The following MTSS1 variants were observed in gnomAD, a reference collection of about 807,000 sequenced individuals.
MTSS1 encodes the protein MTSS I-BAR domain containing 1.
A neutral mutation model predicts 79.0 loss-of-function variants in MTSS1; 18 were observed. The observed-to-expected ratio is 0.23, with a 90% CI of 0.16 to 0.34. The LOEUF is 0.34. MTSS1 is among the 10% of genes least tolerant of loss of function. The pLI is 1.00. For synonymous variants in MTSS1, 341 were observed against 368.6 expected, an observed-to-expected ratio of 0.93 and a Z score of 0.86; for missense variants, 815 against 986.2, an observed-to-expected ratio of 0.83 and a Z score of 2.33.
chr8:124,618,516 C>T (rs1213064180), intron 3 of MTSS1, among the ~76,000 whole-genome samples: 1 of 152,188 alleles, frequency 6.6e-6, no homozygotes, highest in Admixed American at 6.5e-5. Context: ...ACTTGGGCAG[C>T]TGGCAGAGTA....
intron 6 of MTSS1, 48 bp from the exon 7 acceptor site, chr8:124,568,584 T>C: frequency 1.2e-6 from 2 of 1,612,552 alleles, no homozygotes; most frequent in African/African-American, 2.7e-5. Flanking sequence ...TACCAGCTTC[T>C]GGAACAAGTG....
intron 1 of MTSS1, among the ~76,000 whole-genome samples, chr8:124,715,045 C>T (rs796761138): frequency 3.9e-5 from 6 of 152,316 alleles, no homozygotes; most frequent in African/African-American, 1.4e-4. Context: ...CACCTAGTGG[C>T]TTGCACACCC....
At chr8:124,608,336 C>T (rs1025228396) in intron 3 of MTSS1, among the ~76,000 whole-genome samples, 5 of 152,178 alleles carry the variant, frequency 3.3e-5, no homozygotes, top group African/African-American at 7.2e-5. Flanking sequence ...TAGGAAGTTG[C>T]CAGAAGGCAA....
intron 9 of MTSS1, 63 bp from the exon 10 acceptor site, chr8:124,563,055 A>G: frequency 7.1e-7 from 1 of 1,407,304 alleles, no homozygotes; most frequent in East Asian, 2.5e-5. Context: ...AGCAGTGGTA[A>G]GAGGAAGGAG....
At chr8:124,699,823 C>G (rs1036274445) in intron 2 of MTSS1, among the ~76,000 whole-genome samples, 6 of 152,158 alleles carry the variant, frequency 3.9e-5, no homozygotes, top group Admixed American at 2.6e-4. Flanking sequence ...GCTAGTAGCC[C>G]TTCCCATTCC....
chr8:124,605,264 T>A (rs1834599294), intron 3 of MTSS1, among the ~76,000 whole-genome samples: 1 of 152,242 alleles, frequency 6.6e-6, no homozygotes, highest in Non-Finnish European at 1.5e-5. Flanking sequence ...TGACGCCAGC[T>A]CCTGCCAGCG....
At chr8:124,686,772 A>G (rs1482792221) in intron 3 of MTSS1, among the ~76,000 whole-genome samples, 2 of 152,178 alleles carry the variant, frequency 1.3e-5, no homozygotes, top group Non-Finnish European at 2.9e-5. Context: ...TCACAGATTG[A>G]GAAGCCCTGG....
chr8:124,602,234 C>G (rs948978385), intron 3 of MTSS1, among the ~76,000 whole-genome samples: 5 of 113,412 alleles, frequency 4.4e-5, no homozygotes, highest in Non-Finnish European at 6.9e-5. Context: ...CGGTCTCACT[C>G]TGTCATCCAG....
chr8:124,653,194 C>G (rs577659925), intron 3 of MTSS1, among the ~76,000 whole-genome samples: 1 of 152,318 alleles, frequency 6.6e-6, no homozygotes, highest in South Asian at 2.1e-4. Context: ...CCAGACCAAC[C>G]AATTCCTGTG....
chr8:124,569,434 ATGGCCTCTTGCAAAAGAAGCC>A (rs1022756572), intron 6 of MTSS1, among the ~76,000 whole-genome samples: 3 of 152,242 alleles, frequency 2.0e-5, no homozygotes, highest in African/African-American at 7.2e-5. Flanking sequence ...CCCCCAGACC[ATGGCCTCTTGCAAAAGAAGCC>A]TGCTGCCCTA....
At chr8:124,626,022 T>C (rs1480868096) in intron 3 of MTSS1, among the ~76,000 whole-genome samples, 3 of 152,176 alleles carry the variant, frequency 2.0e-5, no homozygotes. Flanking sequence ...CAGAGTCTGA[T>C]GAAGACTGAA....
At chr8:124,605,963 A>ATTTTTTTTT (rs35985246) in intron 3 of MTSS1, among the ~76,000 whole-genome samples, 1 of 106,002 alleles carries the variant, frequency 9.4e-6, no homozygotes. Context: ...TAGGTATCTC[A>ATTTTTTTTT]TTTTTTTTTT....
intron 1 of MTSS1, among the ~76,000 whole-genome samples, chr8:124,710,362 C>T (rs538980657): frequency 1.0e-3 from 157 of 152,310 alleles, no homozygotes; most frequent in African/African-American, 3.6e-3. Flanking sequence ...ATAATGAAGT[C>T]ATTTTCTTAG....
At chr8:124,613,983 G>A (rs765932218) in intron 3 of MTSS1, among the ~76,000 whole-genome samples, 1 of 152,042 alleles carries the variant, frequency 6.6e-6, no homozygotes, top group Non-Finnish European at 1.5e-5. Context: ...ACAACACAGT[G>A]AGACCTCATT....
chr8:124,725,799 T>G (rs980305656), intron 1 of MTSS1, among the ~76,000 whole-genome samples: 1 of 152,202 alleles, frequency 6.6e-6, no homozygotes, highest in African/African-American at 2.4e-5. Flanking sequence ...ATGAAGTCTT[T>G]TAAGAAGCAA....
At chr8:124,606,703 T>TC (rs1258775137) in intron 3 of MTSS1, among the ~76,000 whole-genome samples, 1 of 151,664 alleles carries the variant, frequency 6.6e-6, no homozygotes, top group Non-Finnish European at 1.5e-5. Flanking sequence ...TAAGAGCCCT[T>TC]CCCCCGAACA....
At chr8:124,622,291 CAG>C (rs1023749812) in intron 3 of MTSS1, among the ~76,000 whole-genome samples, 1 of 150,806 alleles carries the variant, frequency 6.6e-6, no homozygotes, top group Non-Finnish European at 1.5e-5. Context: ...GAAAATAAAA[CAG>C]TGGTTACCAA....
chr8:124,588,349 T>C (rs1210511573), intron 5 of MTSS1, among the ~76,000 whole-genome samples: 2 of 152,172 alleles, frequency 1.3e-5, no homozygotes, highest in Non-Finnish European at 2.9e-5. Flanking sequence ...GATACCACAC[T>C]CATCCTTCTG....
Position 124,562,906 on chromosome 8 carries a change from G to A in MTSS1, c.911C>T (p.Ser304Phe). 1 of 1,614,038 alleles carries A rather than the reference G, an allele frequency of 6.2e-7. No homozygotes were observed. Among genetic ancestry groups the A allele is most frequent in the Non-Finnish European group, 8.5e-7 (1 of 1,179,946 alleles). Reference sequence around the variant, plus strand: ...CACAGGAGCCTGCTGGGCCAGGTTGGAGCTGCGGTAGCGGTAATGTGAGCT... The same window carrying A: ...CACAGGAGCCTGCTGGGCCAGGTTGAAGCTGCGGTAGCGGTAATGTGAGCT... ...SPSSHYRYRS[S>F]NLAQQAPVRL... Residue 304 changes from serine to phenylalanine, a missense_variant, in exon 10 of 14, where the codon TCC (serine) becomes TTC (phenylalanine). Transcript: ENST00000518547.
Sources: gnomAD v4.1 joint callset for allele counts (sites outside exome capture counted in the v4.1 genomes callset) on GRCh38, gnomAD v4.1.1 for gene constraint, MANE v1.5 for transcripts, NCBI Gene and HGNC (gene_info 2026-07-23, HGNC 2026-07-21) for gene names.